EBLN1: variants seen among roughly 807,000 people sequenced by gnomAD.
EBLN1 encodes endogenous Bornavirus like nucleoprotein 1.
A neutral mutation model predicts 0.8 loss-of-function variants in EBLN1; 1 was observed. The observed-to-expected ratio is 1.32, with a 90% CI of 0.47 to 6.26. The LOEUF (loss-of-function observed/expected upper bound fraction) is 6.26. EBLN1 is among the 30% of genes most tolerant of loss of function. The pLI, the probability that EBLN1 is intolerant of heterozygous loss-of-function variation, is 0.15. For synonymous variants in EBLN1, 158 were observed against 158.5 expected, an observed-to-expected ratio of 1.00 and a Z score of 0.02; for missense variants, 396 against 447.9, an observed-to-expected ratio of 0.88 and a Z score of 1.05.
At chr10:22,215,184 T>G (rs1298272484) in intron 1 of EBLN1, among the ~76,000 whole-genome samples, 1 of 152,184 alleles carries the variant, frequency 6.6e-6, no homozygotes, top group East Asian at 1.9e-4. Flanking sequence ...ACATGATTCC[T>G]TGTTGGAGTG....
At chr10:22,215,192 G>C (rs1834782972) in intron 1 of EBLN1, among the ~76,000 whole-genome samples, 1 of 152,142 alleles carries the variant, frequency 6.6e-6, no homozygotes, top group Non-Finnish European at 1.5e-5. Flanking sequence ...CCTTGTTGGA[G>C]TGATGAAAAT....
At position 22,208,605 on chromosome 10, in the gene EBLN1, G is replaced by A. The variant is rs115702456; in HGVS notation, c.*278C>T. 5.6e-3 allele frequency among the ~76,000 whole-genome samples: 853 copies of A among 152,204 alleles called. 6 individuals are homozygous for A. The highest frequency in any genetic ancestry group is 0.019 in the African/African-American group (801 of 41,528). On this transcript the variant is annotated 3_prime_UTR_variant, in exon 3 of 3. Transcript: ENST00000422359. Reference sequence around the variant, plus strand: ...GAAGAATAAAATAAAAACTCCCCACGTGACTACAGAAAACATTTCAATTAT... The same window carrying A: ...GAAGAATAAAATAAAAACTCCCCACATGACTACAGAAAACATTTCAATTAT...
At chr10:22,210,406 A>G (rs1281325480) in intron 2 of EBLN1, among the ~76,000 whole-genome samples, 2 of 152,174 alleles carry the variant, frequency 1.3e-5, no homozygotes, top group East Asian at 1.9e-4. Flanking sequence ...AACCCCCTAT[A>G]ATGAACAAAA....
rs767240178 is a variant in EBLN1, at chr10:22,209,633, A to G, written c.351T>C (p.Tyr117=). Residue 117 remains tyrosine, a synonymous_variant, in exon 3 of 3, where the codon TAT becomes TAC. Coordinates refer to ENST00000422359, the MANE Select transcript of EBLN1 (RefSeq NM_001394757.1). The part of the protein sequence containing the change: ...GNENKETGTL[Y]ASKFEDVLPT... ...GCAAAACATCTTCAAATTTGCTAGC[A>G]TAGAGAGTACCTGTTTCCTTGTTCT... is the stretch of plus-strand genomic sequence containing the variant. 35 of 1,535,944 alleles carry G rather than the reference A, an allele frequency of 2.3e-5. No homozygotes were observed. The East Asian group carries it at 5.1e-4, about 23-fold the overall frequency.
At chr10:22,211,723 C>T (rs1035749577) in intron 2 of EBLN1, among the ~76,000 whole-genome samples, 1 of 152,036 alleles carries the variant, frequency 6.6e-6, no homozygotes, top group South Asian at 2.1e-4. Context: ...GAACTCCTGA[C>T]CTCAAGTAAT....
Position 22,210,090 on chromosome 10 carries a change from T to G in EBLN1, c.-44-63A>C, listed in dbSNP as rs965955035. The stretch of plus-strand genomic sequence containing the variant: ...TTTTAAATTACATTTATTAATAAAA[T>G]GTATTATGACTTCTGTATCTCATTT... On this transcript the variant is annotated intron_variant, in intron 2 of 2. Transcript: ENST00000422359. The G allele has an allele frequency of 3.5e-5, 42 of 1,213,176 alleles. 1 individual carries two copies. The highest frequency in any genetic ancestry group is 4.4e-5 in the Non-Finnish European group (42 of 954,806). The allele number at this position is 1,213,176 out of a possible 1,614,324, so 75.2% of individuals were successfully genotyped here. A position where few individuals can be genotyped will look rare whatever the true frequency, so the allele number is the denominator to read the frequency against.
chr10:22,214,835 C>T (rs1024166073), intron 1 of EBLN1, among the ~76,000 whole-genome samples: 1 of 151,938 alleles, frequency 6.6e-6, no homozygotes, highest in African/African-American at 2.4e-5. Flanking sequence ...AAAACCTGTA[C>T]ATAAATGTTC....
chr10:22,216,975 C>T lies in EBLN1; in HGVS notation c.-169+941G>A, dbSNP rs370928584. On this transcript the variant is annotated intron_variant, in intron 1 of 2. Transcript: ENST00000422359. ...TCAAGTCTAAAACACAAAACTTGTG[C>T]GCTGCATCATTTTACCTTGACTCAG... Among the ~76,000 whole-genome samples, 9 of 152,258 alleles carry T rather than the reference C, an allele frequency of 5.9e-5. No individual in the cohort carries two copies. In the South Asian group the frequency reaches 8.3e-4, roughly 14 times the overall value.
chr10:22,209,806 T>G lies in EBLN1; in HGVS notation c.178A>C (p.Thr60Pro). The change falls in exon 3 of 3, where the codon ACT becomes CCT. Residue 60 changes from threonine (T) to proline (P), a missense_variant. Transcript: ENST00000422359. ...TGTGCTGGGTCTAGCATAGACTTAGTTGCTTTTTCAATGACCTTAACATCT... is the reference window on the plus strand; with the variant it reads ...TGTGCTGGGTCTAGCATAGACTTAGGTGCTTTTTCAATGACCTTAACATCT... ...IGDVKVIEKA[T>P]KSMLDPAQRS... 1 of 1,534,748 alleles carries G rather than the reference T, an allele frequency of 6.5e-7. No individual in the cohort carries two copies. The highest frequency in any genetic ancestry group is 1.2e-5 in the South Asian group (1 of 83,920).
rs745421908 is a variant in EBLN1, at chr10:22,209,530, C to T, written c.454G>A (p.Asp152Asn). 1 of 1,569,754 alleles carries T rather than the reference C, an allele frequency of 6.4e-7. No individual in the cohort carries two copies. Reference protein sequence around the residue: ...DLIGIAAGSSDPICTNSLQVQ... With the variant: ...DLIGIAAGSSNPICTNSLQVQ... Reference sequence around the variant, plus strand: ...TGGAGGCTGTTGGTGCATATCGGGTCACTCGATCCGGCAGCAATGCCTATC... The same window carrying T: ...TGGAGGCTGTTGGTGCATATCGGGTTACTCGATCCGGCAGCAATGCCTATC... Residue 152 changes from aspartate (D) to asparagine (N), a missense_variant, in exon 3 of 3, where the codon GAC (aspartate) becomes AAC (asparagine). By Grantham distance (23) the Asp-to-Asn change is conservative (BLOSUM62 1). Transcript: ENST00000422359.
chr10:22,215,721 C>T (rs1834787509), intron 1 of EBLN1, among the ~76,000 whole-genome samples: 1 of 151,788 alleles, frequency 6.6e-6, no homozygotes. Context: ...AGAAATTTTT[C>T]CTAAATATGA....
Position 22,209,725 on chromosome 10 carries a change from C to T in EBLN1, c.259G>A (p.Asp87Asn), listed in dbSNP as rs578105624. 5.2e-6 allele frequency: 8 copies of T among 1,535,738 alleles called. No individual in the cohort carries two copies. Among genetic ancestry groups the T allele is most frequent in the South Asian group, 2.4e-5 (2 of 84,040 alleles). Residue 87 changes from aspartate to asparagine, a missense_variant, in exon 3 of 3, where the codon GAT (aspartate) becomes AAT (asparagine). Coordinates refer to ENST00000422359, the MANE Select transcript of EBLN1 (RefSeq NM_001394757.1). ...PSLVFLCFIF[D>N]GLHKALLSVG... is the part of the protein sequence containing the mutation. ...CTGAGTAGTGCCTTGTGTAATCCAT[C>T]GAATATAAAACACAAAAATACTAAG... is the stretch of plus-strand genomic sequence containing the variant.
chr10:22,212,567 C>T (rs1424363824), intron 2 of EBLN1, among the ~76,000 whole-genome samples: 1 of 151,990 alleles, frequency 6.6e-6, no homozygotes, highest in Non-Finnish European at 1.5e-5. Flanking sequence ...ATCCAAGAAA[C>T]CAGGTCAAAT....
intron 2 of EBLN1, among the ~76,000 whole-genome samples, chr10:22,212,540 C>T (rs972659599): frequency 2.6e-5 from 4 of 152,092 alleles, no homozygotes; most frequent in Admixed American, 6.5e-5. Context: ...CTTTTCTTCT[C>T]ATTTTGGCTA....
At chr10:22,217,518 C>G (rs369328745) in intron 1 of EBLN1, among the ~76,000 whole-genome samples, 24 of 152,300 alleles carry the variant, frequency 1.6e-4, no homozygotes, top group African/African-American at 5.5e-4. Context: ...GCACACCATA[C>G]ATTTCATTAC....
Position 22,209,284 on chromosome 10 carries a change from T to A in EBLN1, c.700A>T (p.Met234Leu), listed in dbSNP as rs747896082. The A allele has an allele frequency of 1.0e-5, 16 of 1,593,412 alleles. No individual in the cohort carries two copies. The highest frequency in any genetic ancestry group is 1.3e-5 in the Non-Finnish European group (15 of 1,177,106). ...QVKVVASKAQ[M>L]MTYYTVRMFL... Reference sequence around the variant, plus strand: ...ATTCTCACAGTGTAGTAGGTCATCATCTGTGCTTTGCTGGCAACTACTTTA... The same window carrying A: ...ATTCTCACAGTGTAGTAGGTCATCAACTGTGCTTTGCTGGCAACTACTTTA... The change falls in exon 3 of 3, where the codon ATG (methionine) becomes TTG (leucine). Residue 234 changes from methionine (M) to leucine (L), a missense_variant. By Grantham distance (15) the Met-to-Leu change is conservative. Coordinates refer to ENST00000422359, the MANE Select transcript of EBLN1 (RefSeq NM_001394757.1).
rs193071139 is a variant in EBLN1, at chr10:22,213,217, G to A, written c.-168-252C>T. 2.0e-4 allele frequency among the ~76,000 whole-genome samples: 30 copies of A among 152,104 alleles called. 1 individual carries two copies. The highest frequency in any genetic ancestry group is 1.8e-3 in the Admixed American group (28 of 15,272). On this transcript the variant is annotated intron_variant, in intron 1 of 2. Coordinates refer to ENST00000422359, the MANE Select transcript of EBLN1 (RefSeq NM_001394757.1). ...AGTATATGGATCTTTTTCTCAACAA[G>A]TTTAAGATGTAGAAAAATATTACAG...
Position 22,214,037 on chromosome 10 carries a change from T to C in EBLN1, c.-168-1072A>G, listed in dbSNP as rs199529343. Among the ~76,000 whole-genome samples, 8 of 152,008 alleles carry C rather than the reference T, an allele frequency of 5.3e-5. No homozygotes were observed. The East Asian group carries it at 1.5e-3, about 29-fold the overall frequency. On this transcript the variant is annotated intron_variant, in intron 1 of 2. Coordinates refer to ENST00000422359, the MANE Select transcript of EBLN1 (RefSeq NM_001394757.1). ...AGAACATGTAAAAAAAAATTAATAATCAATAAAAGAGGCAATATCAAGACA... is the reference window on the plus strand; with the variant it reads ...AGAACATGTAAAAAAAAATTAATAACCAATAAAAGAGGCAATATCAAGACA...
chr10:22,209,649 T>A lies in EBLN1; in HGVS notation c.335A>T (p.Glu112Val), dbSNP rs566099768. 1.3e-6 allele frequency: 2 copies of A among 1,535,904 alleles called. No homozygotes were observed. Among genetic ancestry groups the A allele is most frequent in the Non-Finnish European group, 1.7e-6 (2 of 1,146,938 alleles). Residue 112 changes from glutamate (E) to valine (V), a missense_variant, in exon 3 of 3, where the codon GAA (glutamate) becomes GTA (valine). Glu to Val is a moderately radical substitution (Grantham distance 121, BLOSUM62 -2). Coordinates refer to ENST00000422359, the MANE Select transcript of EBLN1 (RefSeq NM_001394757.1). ...SNIVIGNENK[E>V]TGTLYASKFE... ...TTTGCTAGCATAGAGAGTACCTGTT[T>A]CCTTGTTCTCATTCCCAATCACAAT...
Sources: gnomAD v4.1 joint callset for allele counts (sites outside exome capture counted in the v4.1 genomes callset) on GRCh38, gnomAD v4.1.1 for gene constraint, MANE v1.5 for transcripts, NCBI Gene and HGNC (gene_info 2026-07-23, HGNC 2026-07-21) for gene names.